ANKRD49: variants seen among roughly 807,000 people sequenced by gnomAD.
The protein encoded by ANKRD49 is ankyrin repeat domain-containing protein 49.
Under a neutral mutation model 19.6 loss-of-function variants are expected in ANKRD49, and 18 were observed. The ratio of observed to expected loss-of-function variants is 0.92; its 90% CI spans 0.63 to 1.36. The LOEUF (loss-of-function observed/expected upper bound fraction) is 1.36. Ranked by LOEUF, ANKRD49 falls within the 40% of genes most tolerant of loss-of-function variation. The probability of loss-of-function intolerance (pLI) is 0.00; values close to 1 mark genes in which losing one functional copy is unlikely to be tolerated. For synonymous variants in ANKRD49, 88 were observed against 101.8 expected, an observed-to-expected ratio of 0.86 and a Z score of 0.82; for missense variants, 218 against 281.6, an observed-to-expected ratio of 0.77 and a Z score of 1.62.
At position 94,498,359 on chromosome 11, in the gene ANKRD49, G is replaced by A. The variant is rs1482496338; in HGVS notation, c.547G>A (p.Gly183Arg). 6.2e-7 allele frequency: 1 copy of A among 1,613,336 alleles called. No individual in the cohort carries two copies. The highest frequency in any genetic ancestry group is 8.5e-7 in the Non-Finnish European group (1 of 1,179,952). The change falls in exon 3 of 3, where the codon GGG (glycine) becomes AGG (arginine). Residue 183 changes from glycine to arginine, a missense_variant. Physicochemically the swap from Gly to Arg is moderately radical, Grantham distance 125. Transcript: ENST00000544612. ...CTTGACCCCCTTGCATCTTGCTGCTGGGAACAGAGACAGCAAGGATACCCT... is the reference window on the plus strand; with the variant it reads ...CTTGACCCCCTTGCATCTTGCTGCTAGGAACAGAGACAGCAAGGATACCCT... Reference protein sequence around the residue: ...GLLTPLHLAAGNRDSKDTLEL... With the variant: ...GLLTPLHLAARNRDSKDTLEL...
rs1947440841 is a variant in ANKRD49, at chr11:94,498,000, A to G, written c.259-71A>G. ...ATTCAACTTAATTAAATCTAACACC[A>G]CAAGACAATTTTGTTTTAGTTATTG... On this transcript the variant is annotated intron_variant, in intron 2 of 2. Coordinates refer to ENST00000544612, the MANE Select transcript of ANKRD49 (RefSeq NM_017704.3). The G allele has an allele frequency of 3.3e-6, 4 of 1,209,292 alleles. No homozygotes were observed. In the East Asian group the frequency reaches 9.5e-5, roughly 29 times the overall value. 74.9% of individuals were successfully genotyped at this position (1,209,292 alleles called of 1,614,324 possible). A position where few individuals can be genotyped will look rare whatever the true frequency, so the allele number is the denominator to read the frequency against.
intron 2 of ANKRD49, 124 bp from the exon 3 acceptor site, chr11:94,497,947 A>T: frequency 1.4e-6 from 1 of 691,730 alleles, no homozygotes; most frequent in Non-Finnish European, 2.3e-6. Context: ...TTTTCATTTT[A>T]AAGTCATCTA....
At chr11:94,495,740 A>C (rs1306908687) in intron 1 of ANKRD49, among the ~76,000 whole-genome samples, 1 of 152,174 alleles carries the variant, frequency 6.6e-6, no homozygotes. Flanking sequence ...CCTTAGGACT[A>C]GGGGAATTAT....
chr11:94,495,046 G>A (rs1033840509), intron 1 of ANKRD49, among the ~76,000 whole-genome samples: 8 of 152,066 alleles, frequency 5.3e-5, no homozygotes, highest in African/African-American at 1.9e-4. Context: ...CTGAAAAGCC[G>A]GATTGGCCTT....
intron 2 of ANKRD49, 159 bp downstream of exon 2, chr11:94,497,110 T>C: frequency 1.1e-6 from 1 of 908,428 alleles, no homozygotes; most frequent in Non-Finnish European, 1.7e-6. Flanking sequence ...CTGCAAAGTG[T>C]CATGCTAGGT....
rs1282689312 is a variant in ANKRD49, at chr11:94,496,755, C to A, written c.62C>A (p.Ser21Tyr). The A allele has an allele frequency of 1.9e-6, 3 of 1,612,106 alleles. No homozygotes were observed. Among genetic ancestry groups the A allele is most frequent in the South Asian group, 2.2e-5 (2 of 90,538 alleles). ...IPDQENSLDF[S>Y]EHFNQLELLE... is the part of the protein sequence containing the mutation. ...GACCAAGAGAATTCCTTGGATTTTT[C>A]TGAACACTTTAACCAACTTGAATTG... The change falls in exon 2 of 3, where the codon TCT becomes TAT. Residue 21 changes from serine to tyrosine, a missense_variant. Transcript: ENST00000544612.
chr11:94,498,678 T>G lies in ANKRD49; in HGVS notation c.*146T>G, dbSNP rs1464871654. The stretch of plus-strand genomic sequence containing the variant: ...CATTCTTCCAAGTGAATTGCCTGAC[T>G]TTGATGTCAAAATGTATTTGAAAGT... On this transcript the variant is annotated 3_prime_UTR_variant, in exon 3 of 3. Transcript: ENST00000544612. 2 of 690,412 alleles carry G rather than the reference T, an allele frequency of 2.9e-6. No homozygotes were observed. The allele number at this position is 690,412 out of a possible 1,614,324, so 42.8% of individuals were successfully genotyped here.
At chr11:94,497,193 T>A (rs1327320572) in intron 2 of ANKRD49, 4 of 575,426 alleles carry the variant, frequency 7.0e-6, no homozygotes, top group Non-Finnish European at 1.2e-5. Context: ...ATCATTTATA[T>A]AAAGTCATTA....
intron 2 of ANKRD49, 114 bp downstream of exon 2, chr11:94,497,065 C>A: frequency 7.3e-7 from 1 of 1,367,784 alleles, no homozygotes; most frequent in Non-Finnish European, 1.0e-6. Flanking sequence ...TTGTGAGGAC[C>A]AAATGAGACA....
chr11:94,497,906 C>A (rs1947439326), intron 2 of ANKRD49, 165 bp from the exon 3 acceptor site: 1 of 591,690 alleles, frequency 1.7e-6, no homozygotes. Flanking sequence ...AATCAGTAGT[C>A]CTCTCCTCCC....
chr11:94,495,699 C>T (rs1443766262), intron 1 of ANKRD49, among the ~76,000 whole-genome samples: 1 of 152,180 alleles, frequency 6.6e-6, no homozygotes, highest in Non-Finnish European at 1.5e-5. Flanking sequence ...GCAGAATAAA[C>T]ATCAGTTCCT....
intron 2 of ANKRD49, chr11:94,497,435 A>G (rs1225658480): frequency 1.6e-5 from 3 of 182,188 alleles, no homozygotes; most frequent in Non-Finnish European, 3.4e-5. Context: ...TCATTTTACT[A>G]AGTTTCCCCA....
Position 94,499,291 on chromosome 11 carries a change from T to C in ANKRD49, c.*759T>C, listed in dbSNP as rs1023228350. 6.6e-6 allele frequency: 1 copy of C among 152,654 alleles called. No individual in the cohort carries two copies. The highest frequency in any genetic ancestry group is 2.4e-5 in the African/African-American group (1 of 41,454). 9.5% of individuals were successfully genotyped at this position (152,654 alleles called of 1,614,324 possible). On this transcript the variant is annotated 3_prime_UTR_variant, in exon 3 of 3. Coordinates refer to ENST00000544612, the MANE Select transcript of ANKRD49 (RefSeq NM_017704.3). ...TACCTTTGTCCAACAGATCATAATATATCTGCTATCCAACTGGTTTTACCT... is the reference window on the plus strand; with the variant it reads ...TACCTTTGTCCAACAGATCATAATACATCTGCTATCCAACTGGTTTTACCT...
chr11:94,496,445 G>A (rs1947419426), intron 1 of ANKRD49, among the ~76,000 whole-genome samples, 159 bp from the exon 2 acceptor site: 1 of 152,132 alleles, frequency 6.6e-6, no homozygotes, highest in African/African-American at 2.4e-5. Flanking sequence ...ATAGTTTGTT[G>A]TTTTCTGTCA....
chr11:94,498,679 T>A lies in ANKRD49; in HGVS notation c.*147T>A. The A allele has an allele frequency of 2.9e-6, 2 of 689,686 alleles. No individual in the cohort carries two copies. Among genetic ancestry groups the A allele is most frequent in the South Asian group, 3.9e-5 (2 of 50,800 alleles). 42.7% of individuals were successfully genotyped at this position (689,686 alleles called of 1,614,324 possible). ...ATTCTTCCAAGTGAATTGCCTGACT[T>A]TGATGTCAAAATGTATTTGAAAGTA... On this transcript the variant is annotated 3_prime_UTR_variant, in exon 3 of 3. Coordinates refer to ENST00000544612, the MANE Select transcript of ANKRD49 (RefSeq NM_017704.3).
chr11:94,494,319 C>T (rs1370688376), intron 1 of ANKRD49: 6 of 152,238 alleles, frequency 3.9e-5, no homozygotes, highest in African/African-American at 1.4e-4. Flanking sequence ...CAGGTGTCGC[C>T]CCTAGGTCCT....
chr11:94,496,632 A>T lies in ANKRD49; in HGVS notation c.-62A>T. The T allele has an allele frequency of 7.1e-7, 1 of 1,402,998 alleles. No individual in the cohort carries two copies. The highest frequency in any genetic ancestry group is 9.6e-7 in the Non-Finnish European group (1 of 1,044,372). The allele number at this position is 1,402,998 out of a possible 1,614,324, so 86.9% of individuals were successfully genotyped here. ...TTGATGAACAAAGCAGTCATAATTC[A>T]TCTCTAGAAAGATTTATATCCTGGC... On this transcript the variant is annotated 5_prime_UTR_variant, in exon 2 of 3. Coordinates refer to ENST00000544612, the MANE Select transcript of ANKRD49 (RefSeq NM_017704.3).
intron 1 of ANKRD49, among the ~76,000 whole-genome samples, chr11:94,495,665 T>C (rs957212434): frequency 3.3e-5 from 5 of 152,218 alleles, no homozygotes; most frequent in African/African-American, 1.2e-4. Flanking sequence ...CTGATATTGG[T>C]TTAAAAATTA....
At chr11:94,496,364 A>T (rs1320693607) in intron 1 of ANKRD49, among the ~76,000 whole-genome samples, 3 of 152,212 alleles carry the variant, frequency 2.0e-5, no homozygotes, top group African/African-American at 7.2e-5. Context: ...GATTAAAAAT[A>T]ATAGTTATAA....
Sources: gnomAD v4.1 joint callset for allele counts (sites outside exome capture counted in the v4.1 genomes callset) on GRCh38, gnomAD v4.1.1 for gene constraint, MANE v1.5 for transcripts, NCBI Gene and HGNC (gene_info 2026-07-23, HGNC 2026-07-21) for gene names.